The following ELMO1 variants were observed in gnomAD, a reference collection of about 807,000 sequenced individuals.
ELMO1 encodes the protein engulfment and cell motility protein 1.
Under a neutral mutation model 98.9 loss-of-function variants are expected in ELMO1, and 26 were observed. That is an observed-to-expected ratio of 0.26 (90% CI 0.19 to 0.36). ELMO1 has a LOEUF of 0.36. Among genes scored for constraint, ELMO1 ranks in the 10% least tolerant of loss-of-function variants. ELMO1 has a pLI of 1.00. For missense variants in ELMO1, 627 were observed against 935.2 expected (o/e 0.67, Z 4.30); for synonymous variants, 346 against 346.0 (o/e 1.00, Z 0.00).
intron 15 of ELMO1, among the ~76,000 whole-genome samples, chr7:37,030,746 C>T (rs753613530): frequency 2.0e-5 from 3 of 151,982 alleles, no homozygotes; most frequent in African/African-American, 4.8e-5. Context: ...GTTCGTTTTC[C>T]TTCTGCCCAA....
chr7:37,007,208 C>T (rs1793197698), intron 16 of ELMO1, among the ~76,000 whole-genome samples: 1 of 152,166 alleles, frequency 6.6e-6, no homozygotes, highest in Admixed American at 6.5e-5. Context: ...TGTTAATCGC[C>T]TAGACAGTTG....
chr7:37,081,723 T>C (rs187842549), intron 15 of ELMO1, among the ~76,000 whole-genome samples: 39 of 152,324 alleles, frequency 2.6e-4, no homozygotes, highest in African/African-American at 9.4e-4. Context: ...GTGAGTCCAT[T>C]AAACCTCTTT....
At chr7:36,978,832 C>G (rs988754171) in intron 16 of ELMO1, among the ~76,000 whole-genome samples, 1 of 152,166 alleles carries the variant, frequency 6.6e-6, no homozygotes, top group South Asian at 2.1e-4. Context: ...TATTCCTCCT[C>G]AATAAACAAG....
chr7:37,067,378 G>A (rs543435459), intron 15 of ELMO1, among the ~76,000 whole-genome samples: 11 of 152,212 alleles, frequency 7.2e-5, no homozygotes, highest in Non-Finnish European at 1.6e-4. Flanking sequence ...GCAGGGTACA[G>A]CGATGAACAA....
chr7:37,128,591 C>G (rs1399523524), intron 14 of ELMO1, among the ~76,000 whole-genome samples: 1 of 152,102 alleles, frequency 6.6e-6, no homozygotes, highest in Non-Finnish European at 1.5e-5. Context: ...TACACAGTTA[C>G]AAAACTTTAT....
chr7:37,320,763 C>T (rs1019434157), intron 2 of ELMO1, among the ~76,000 whole-genome samples: 1 of 152,048 alleles, frequency 6.6e-6, no homozygotes, highest in South Asian at 2.1e-4. Context: ...ATAGGAGACT[C>T]AATACACCTC....
At chr7:37,382,608 T>C (rs1191529453) in intron 1 of ELMO1, among the ~76,000 whole-genome samples, 1 of 152,182 alleles carries the variant, frequency 6.6e-6, no homozygotes, top group East Asian at 1.9e-4. Flanking sequence ...TGAGACTGCA[T>C]CAGGATGGAC....
At chr7:37,424,550 T>C (rs1003645553) in intron 1 of ELMO1, among the ~76,000 whole-genome samples, 6 of 152,202 alleles carry the variant, frequency 3.9e-5, no homozygotes, top group African/African-American at 9.6e-5. Flanking sequence ...ATATTAGCAA[T>C]TGGGCTAGGC....
At chr7:37,331,332 G>GAGTTTTTTTTTTT (rs1475509598) in intron 2 of ELMO1, among the ~76,000 whole-genome samples, 1 of 15,678 alleles carries the variant, frequency 6.4e-5, no homozygotes, top group Non-Finnish European at 1.6e-4. Flanking sequence ...GCCACGCCTG[G>GAGTTTTTTTTTTT]CTTTTTTTTT....
chr7:36,854,689 C>T lies in ELMO1; in HGVS notation c.*862G>A, dbSNP rs1424833434. ...TCCCAGGAGAAGGTAACACCAAACGCTTGGATAGCAACAGTCCGTCCTAGA... is the reference window on the plus strand; with the variant it reads ...TCCCAGGAGAAGGTAACACCAAACGTTTGGATAGCAACAGTCCGTCCTAGA... On this transcript the variant is annotated 3_prime_UTR_variant, in exon 22 of 22. Coordinates refer to ENST00000310758, the MANE Select transcript of ELMO1 (RefSeq NM_014800.11). 2 of 152,594 alleles carry T rather than the reference C, an allele frequency of 1.3e-5. No homozygotes were observed. The highest frequency in any genetic ancestry group is 2.9e-5 in the Non-Finnish European group (2 of 68,034). 9.5% of individuals were successfully genotyped at this position (152,594 alleles called of 1,614,324 possible). A position where few individuals can be genotyped will look rare whatever the true frequency, so the allele number is the denominator to read the frequency against.
chr7:37,233,504 A>AT (rs1189885677), intron 7 of ELMO1, among the ~76,000 whole-genome samples: 1 of 152,034 alleles, frequency 6.6e-6, no homozygotes, highest in Non-Finnish European at 1.5e-5. Context: ...CTGAGCCTCT[A>AT]TTTTTTCAGC....
chr7:37,139,757 A>C (rs565543223), intron 13 of ELMO1, among the ~76,000 whole-genome samples: 2 of 152,344 alleles, frequency 1.3e-5, no homozygotes, highest in Non-Finnish European at 2.9e-5. Context: ...CCACAGAGCC[A>C]ATGCAAGACT....
intron 16 of ELMO1, among the ~76,000 whole-genome samples, chr7:36,963,313 G>C (rs1789123107): frequency 6.6e-6 from 1 of 152,130 alleles, no homozygotes; most frequent in Non-Finnish European, 1.5e-5. Flanking sequence ...GGGAGGAAGA[G>C]GTTGCAGTGA....
At chr7:37,098,021 A>G (rs979727485) in intron 14 of ELMO1, among the ~76,000 whole-genome samples, 2 of 152,216 alleles carry the variant, frequency 1.3e-5, no homozygotes, top group Non-Finnish European at 2.9e-5. Context: ...CAAAATAACA[A>G]AACTCTCAAG....
At chr7:37,006,956 T>C (rs2129167832) in intron 16 of ELMO1, among the ~76,000 whole-genome samples, 1 of 151,986 alleles carries the variant, frequency 6.6e-6, no homozygotes, top group Non-Finnish European at 1.5e-5. Flanking sequence ...AGAGGACATA[T>C]CTTGATTGCT....
At chr7:37,318,298 G>A (rs982499297) in intron 2 of ELMO1, among the ~76,000 whole-genome samples, 1 of 152,130 alleles carries the variant, frequency 6.6e-6, no homozygotes, top group Non-Finnish European at 1.5e-5. Flanking sequence ...ATCGATCTGT[G>A]ATTACTTATC....
chr7:37,391,015 C>CCTTT (rs1803047787), intron 1 of ELMO1, among the ~76,000 whole-genome samples: 1 of 110,374 alleles, frequency 9.1e-6, no homozygotes, highest in South Asian at 2.9e-4. Flanking sequence ...TCCCTTCCTT[C>CCTTT]CTTCCTTCCT....
chr7:36,978,818 C>T lies in ELMO1; in HGVS notation c.1437+34481G>A, dbSNP rs199787221. Among the ~76,000 whole-genome samples the T allele has an allele frequency of 1.6e-4, 24 of 152,222 alleles. No homozygotes were observed. In the East Asian group the frequency reaches 2.9e-3, roughly 18 times the overall value. On this transcript the variant is annotated intron_variant, in intron 16 of 21. Transcript: ENST00000310758. ...TTTTGCTACCCTAGAAATAGGTTTC[C>T]AATTATTCCTCCTCAATAAACAAGG...
chr7:37,028,331 G>A (rs191186148), intron 15 of ELMO1, among the ~76,000 whole-genome samples: 1 of 152,266 alleles, frequency 6.6e-6, no homozygotes, highest in Admixed American at 6.5e-5. Flanking sequence ...TTTAAAAACA[G>A]TTGATTCCAC....
Sources: allele counts gnomAD v4.1 joint callset (sites outside exome capture counted in the v4.1 genomes callset), GRCh38; gene constraint gnomAD v4.1.1; transcripts MANE v1.5; gene names NCBI Gene and HGNC (gene_info 2026-07-23, HGNC 2026-07-21).